The following EFNA5 variants were observed in gnomAD, a reference collection of about 807,000 sequenced individuals.
EFNA5 encodes the protein ephrin-A5.
A neutral mutation model predicts 22.9 loss-of-function variants in EFNA5; 5 were observed. That is an observed-to-expected ratio of 0.22 (90% confidence interval 0.11 to 0.46). The LOEUF is 0.46. Ranked by LOEUF, EFNA5 falls within the 20% of genes least tolerant of loss-of-function variation. The pLI is 0.99. For synonymous variants in EFNA5, 113 were observed against 112.2 expected (o/e 1.01, Z -0.04); for missense variants, 237 against 293.3 (o/e 0.81, Z 1.40).
At chr5:107,543,364 G>A (rs1220241071) in intron 1 of EFNA5, among the ~76,000 whole-genome samples, 5 of 152,178 alleles carry the variant, frequency 3.3e-5, no homozygotes, top group Admixed American at 1.3e-4. Flanking sequence ...TTTAAGTGAC[G>A]TTGTCAATCA....
intron 1 of EFNA5, among the ~76,000 whole-genome samples, chr5:107,587,954 G>C (rs1167336096): frequency 5.3e-5 from 8 of 152,156 alleles, no homozygotes; most frequent in African/African-American, 1.9e-4. Flanking sequence ...ACAACTACAG[G>C]CTCTATGGTG....
At chr5:107,541,135 G>GA (rs1475776509) in intron 1 of EFNA5, among the ~76,000 whole-genome samples, 3 of 151,612 alleles carry the variant, frequency 2.0e-5, no homozygotes, top group African/African-American at 4.8e-5. Context: ...GAAAGAAAAA[G>GA]AAAAAAATTA....
rs573295821 is a variant in EFNA5, at chr5:107,661,461, G to A, written c.125+9028C>T. Among the ~76,000 whole-genome samples the A allele has an allele frequency of 5.3e-4, 81 of 152,254 alleles. 1 individual carries two copies. Among genetic ancestry groups the A allele is most frequent in the African/African-American group, 1.9e-3 (79 of 41,546 alleles). On this transcript the variant is annotated intron_variant, in intron 1 of 4. Coordinates refer to ENST00000333274, the MANE Select transcript of EFNA5 (RefSeq NM_001962.3). ...TCAAAGTGTCAGTCACTTCAAAAAC[G>A]CATCCTGCTACGATGGTGGCTCAGG...
Position 107,631,256 on chromosome 5 carries a change from A to AACACACACAC in EFNA5, c.125+39223_125+39232dup, listed in dbSNP as rs10616989. Among the ~76,000 whole-genome samples, 386 of 145,752 alleles carry AACACACACAC rather than the reference A, an allele frequency of 2.6e-3. 2 individuals carry two copies. The highest frequency in any genetic ancestry group is 7.8e-3 in the African/African-American group (304 of 39,094). On this transcript the variant is annotated intron_variant, in intron 1 of 4. Coordinates refer to ENST00000333274, the MANE Select transcript of EFNA5 (RefSeq NM_001962.3). ...CATTGTTACATAGGGCCTGACTACAAACACACACACACACACACACACACA... is the reference window on the plus strand; with the variant it reads ...CATTGTTACATAGGGCCTGACTACAAACACACACACACACACACACACACACACACACACA...
intron 1 of EFNA5, among the ~76,000 whole-genome samples, chr5:107,546,651 AACACACACACAC>A (rs767896375): frequency 1.6e-5 from 2 of 121,362 alleles, no homozygotes; most frequent in East Asian, 3.1e-4. Context: ...TGGTGCGTAA[AACACACACACAC>A]ACACACACAC....
chr5:107,396,343 AAC>A (rs1278138933), intron 2 of EFNA5, among the ~76,000 whole-genome samples: 1 of 152,190 alleles, frequency 6.6e-6, no homozygotes, highest in African/African-American at 2.4e-5. Context: ...TCTTCTCTAA[AAC>A]AAATTTTAAG....
chr5:107,482,647 T>G (rs529314441), intron 1 of EFNA5, among the ~76,000 whole-genome samples: 1 of 152,056 alleles, frequency 6.6e-6, no homozygotes, highest in African/African-American at 2.4e-5. Context: ...ATTTGCGCAA[T>G]GTAGCCTGTG....
intron 1 of EFNA5, among the ~76,000 whole-genome samples, chr5:107,514,796 C>T (rs2112437725): frequency 6.6e-6 from 1 of 152,300 alleles, no homozygotes; most frequent in East Asian, 1.9e-4. Flanking sequence ...CTCCCGTCTC[C>T]TCTTTCCTTA....
At chr5:107,389,138 TCCCTATCTC>T (rs1747718711) in intron 2 of EFNA5, among the ~76,000 whole-genome samples, 1 of 152,164 alleles carries the variant, frequency 6.6e-6, no homozygotes, top group East Asian at 1.9e-4. Context: ...TTTTTGGTCC[TCCCTATCTC>T]CCCTGGTTGC....
chr5:107,614,473 G>A (rs1330378054), intron 1 of EFNA5, among the ~76,000 whole-genome samples: 2 of 152,066 alleles, frequency 1.3e-5, no homozygotes, highest in African/African-American at 4.8e-5. Flanking sequence ...AAATAAGTTA[G>A]TCATATGAGA....
chr5:107,576,927 G>C (rs993372094), intron 1 of EFNA5, among the ~76,000 whole-genome samples: 1 of 152,128 alleles, frequency 6.6e-6, no homozygotes, highest in Admixed American at 6.5e-5. Flanking sequence ...CCCCATGAAG[G>C]TTAGCATTCC....
At chr5:107,641,430 G>A (rs1340418489) in intron 1 of EFNA5, among the ~76,000 whole-genome samples, 1 of 152,080 alleles carries the variant, frequency 6.6e-6, no homozygotes, top group Non-Finnish European at 1.5e-5. Context: ...CGGAGAAAAT[G>A]AGTAATCATC....
At chr5:107,653,238 CAA>C (rs760126900) in intron 1 of EFNA5, among the ~76,000 whole-genome samples, 1 of 152,116 alleles carries the variant, frequency 6.6e-6, no homozygotes, top group Non-Finnish European at 1.5e-5. Flanking sequence ...CCCACCAAGA[CAA>C]GCAGCTTTGT....
chr5:107,493,520 A>T (rs1377436243), intron 1 of EFNA5, among the ~76,000 whole-genome samples: 1 of 152,228 alleles, frequency 6.6e-6, no homozygotes, highest in Non-Finnish European at 1.5e-5. Context: ...CAATGCCTAA[A>T]TTCCTTTACC....
chr5:107,599,311 G>A (rs1749538924), intron 1 of EFNA5, among the ~76,000 whole-genome samples: 1 of 152,206 alleles, frequency 6.6e-6, no homozygotes, highest in Non-Finnish European at 1.5e-5. Flanking sequence ...TCTTTATCCA[G>A]GTATGGACAT....
chr5:107,586,785 T>A (rs1319788222), intron 1 of EFNA5, among the ~76,000 whole-genome samples: 3 of 152,154 alleles, frequency 2.0e-5, no homozygotes, highest in African/African-American at 7.2e-5. Flanking sequence ...TCAAAATGGG[T>A]TATTTTAAGG....
At chr5:107,608,366 G>T (rs1749763408) in intron 1 of EFNA5, among the ~76,000 whole-genome samples, 1 of 152,142 alleles carries the variant, frequency 6.6e-6, no homozygotes, top group Non-Finnish European at 1.5e-5. Flanking sequence ...AGATTCCCAT[G>T]CTGTGGTCCA....
chr5:107,409,293 CT>C (rs1748300127), intron 2 of EFNA5, among the ~76,000 whole-genome samples: 2 of 152,194 alleles, frequency 1.3e-5, no homozygotes, highest in South Asian at 2.1e-4. Flanking sequence ...TTTGGGGAAC[CT>C]TTTGGATTCA....
intron 1 of EFNA5, among the ~76,000 whole-genome samples, chr5:107,451,613 T>G (rs1749562644): frequency 6.6e-6 from 1 of 152,076 alleles, no homozygotes; most frequent in Non-Finnish European, 1.5e-5. Flanking sequence ...AATGAATGAA[T>G]GAATGAATAA....
Sources: gnomAD v4.1 joint callset for allele counts (sites outside exome capture counted in the v4.1 genomes callset) on GRCh38, gnomAD v4.1.1 for gene constraint, MANE v1.5 for transcripts, NCBI Gene and HGNC (gene_info 2026-07-23, HGNC 2026-07-21) for gene names.